Variants in MAP4K3 observed in about 807,000 individuals in gnomAD.
MAP4K3 encodes the protein MAPK/ERK kinase kinase kinase 3.
Under a neutral mutation model 143.5 loss-of-function variants are expected in MAP4K3, and 94 were observed. That is an observed-to-expected ratio of 0.65 (90% confidence interval 0.55 to 0.78). The LOEUF (loss-of-function observed/expected upper bound fraction) is 0.78. Among genes scored for constraint, MAP4K3 ranks in the 30% least tolerant of loss-of-function variants. The pLI is 0.00. For synonymous variants in MAP4K3, 416 were observed against 347.2 expected, an observed-to-expected ratio of 1.20 and a Z score of -2.20; for missense variants, 1,077 against 1,068.1, an observed-to-expected ratio of 1.01 and a Z score of -0.12.
chr2:39,326,004 C>T (rs1251076653), intron 9 of MAP4K3, 43 bp from the exon 10 acceptor site: 2 of 1,518,514 alleles, frequency 1.3e-6, no homozygotes, highest in Non-Finnish European at 1.8e-6. Context: ...TAATATTTCA[C>T]ATTTTTATCT....
chr2:39,360,321 A>AT (rs1301657413), intron 2 of MAP4K3, among the ~76,000 whole-genome samples: 1 of 152,256 alleles, frequency 6.6e-6, no homozygotes, highest in Non-Finnish European at 1.5e-5. Context: ...TTTATTGTCC[A>AT]TATCACTATC....
chr2:39,336,847 T>C (rs145172663), intron 6 of MAP4K3, 73 bp downstream of exon 6: 8,026 of 618,828 alleles, frequency 0.013, 82 homozygotes, highest in Middle Eastern at 0.029. Context: ...ATAAAACAAT[T>C]TTGCTCAAAA....
At chr2:39,398,713 AAATAAT>A (rs60507971) in intron 1 of MAP4K3, among the ~76,000 whole-genome samples, 11 of 140,434 alleles carry the variant, frequency 7.8e-5, no homozygotes, top group African/African-American at 1.4e-4. Context: ...GGAATAATTA[AAATAAT>A]AATAATAATA....
intron 29 of MAP4K3, 76 bp from the exon 30 acceptor site, chr2:39,258,663 T>C (rs1356250825): frequency 9.8e-7 from 1 of 1,025,140 alleles, no homozygotes; most frequent in Non-Finnish European, 1.5e-6. Flanking sequence ...AGAAAAAGAA[T>C]TCTGAGGATA....
intron 12 of MAP4K3, chr2:39,315,623 C>G (rs962238020): frequency 2.9e-5 from 13 of 452,046 alleles, no homozygotes; most frequent in Non-Finnish European, 4.4e-5. Flanking sequence ...AGAAAGGGCA[C>G]TTCTTTGGCT....
intron 1 of MAP4K3, among the ~76,000 whole-genome samples, chr2:39,419,138 T>C (rs1442177956): frequency 1.3e-5 from 2 of 152,146 alleles, no homozygotes; most frequent in Admixed American, 1.3e-4. Context: ...ATGTTTTAAA[T>C]AGTATGAACT....
At chr2:39,303,478 G>C (rs563865383) in intron 15 of MAP4K3, among the ~76,000 whole-genome samples, 1 of 152,050 alleles carries the variant, frequency 6.6e-6, no homozygotes, top group Non-Finnish European at 1.5e-5. Flanking sequence ...TACTTCTTCA[G>C]AGCAATGATT....
intron 15 of MAP4K3, among the ~76,000 whole-genome samples, chr2:39,305,210 C>G (rs879352410): frequency 6.6e-6 from 1 of 151,926 alleles, no homozygotes; most frequent in African/African-American, 2.4e-5. Context: ...CAGTAAATTT[C>G]GTAATGTATA....
At chr2:39,297,328 G>T (rs560166426) in intron 16 of MAP4K3, among the ~76,000 whole-genome samples, 12 of 152,072 alleles carry the variant, frequency 7.9e-5, no homozygotes, top group Non-Finnish European at 1.6e-4. Flanking sequence ...ATGTTGGCCA[G>T]GCTGGTCTCG....
At position 39,253,490 on chromosome 2, in the gene MAP4K3, C is replaced by T. The variant is rs558962403; in HGVS notation, c.2541+960G>A. 1.6e-4 allele frequency among the ~76,000 whole-genome samples: 25 copies of T among 152,230 alleles called. No homozygotes were observed. The East Asian group carries it at 4.6e-3, about 28-fold the overall frequency. ...GGAACCAGGCCAAGCACATTACACGCTTTGTTTCATTTAATCATAACAACT... is the reference window on the plus strand; with the variant it reads ...GGAACCAGGCCAAGCACATTACACGTTTTGTTTCATTTAATCATAACAACT... On this transcript the variant is annotated intron_variant, in intron 32 of 33. Transcript: ENST00000263881.
Position 39,332,008 on chromosome 2 carries a change from A to C in MAP4K3, c.458-19T>G. On this transcript the variant is annotated intron_variant, in intron 7 of 33. Transcript: ENST00000263881. ...AAATCAGCTATTAAAAAAAATGAGA[A>C]ACATTTAGGAAACTGAGAGAAAATA... is the stretch of plus-strand genomic sequence containing the variant. The C allele has an allele frequency of 7.2e-7, 1 of 1,390,024 alleles. No individual in the cohort carries two copies. The allele number at this position is 1,390,024 out of a possible 1,614,324, so 86.1% of individuals were successfully genotyped here. A position where few individuals can be genotyped will look rare whatever the true frequency, so the allele number is the denominator to read the frequency against.
intron 26 of MAP4K3, 92 bp from the exon 27 acceptor site, chr2:39,267,339 T>A: frequency 1.1e-6 from 1 of 938,076 alleles, no homozygotes; most frequent in Non-Finnish European, 1.7e-6. Context: ...AAAGGATGAG[T>A]TCAAAACTGG....
intron 1 of MAP4K3, among the ~76,000 whole-genome samples, chr2:39,390,402 A>G (rs1666620697): frequency 6.6e-6 from 1 of 151,768 alleles, no homozygotes; most frequent in African/African-American, 2.4e-5. Flanking sequence ...TAAATCACAG[A>G]GTCTTGGCTT....
chr2:39,426,176 A>C (rs956895110), intron 1 of MAP4K3, among the ~76,000 whole-genome samples: 1 of 152,154 alleles, frequency 6.6e-6, no homozygotes, highest in African/African-American at 2.4e-5. Context: ...ATCACTATAA[A>C]TTTCCGTCAA....
At chr2:39,272,668 T>A (rs1043081959) in intron 24 of MAP4K3, 126 bp from the exon 25 acceptor site, 4 of 674,052 alleles carry the variant, frequency 5.9e-6, no homozygotes, top group Non-Finnish European at 1.0e-5. Context: ...ATTTTTAACA[T>A]AAATTAACTT....
chr2:39,373,465 T>A (rs1285366164), intron 2 of MAP4K3, among the ~76,000 whole-genome samples: 1 of 152,102 alleles, frequency 6.6e-6, no homozygotes, highest in Non-Finnish European at 1.5e-5. Flanking sequence ...GAAATGAGTA[T>A]ATCAAAGAGA....
intron 1 of MAP4K3, among the ~76,000 whole-genome samples, chr2:39,381,617 T>C: frequency 6.6e-6 from 1 of 152,214 alleles, no homozygotes; most frequent in East Asian, 1.9e-4. Flanking sequence ...TTTTATAGTT[T>C]TCTTAAATTT....
intron 1 of MAP4K3, among the ~76,000 whole-genome samples, chr2:39,390,787 A>T (rs1482291892): frequency 6.7e-6 from 1 of 148,246 alleles, no homozygotes; most frequent in Non-Finnish European, 1.5e-5. Context: ...AAAAAAAAAT[A>T]CTGGAAATGA....
chr2:39,365,583 T>C (rs1381186308), intron 2 of MAP4K3, among the ~76,000 whole-genome samples: 8 of 151,220 alleles, frequency 5.3e-5, no homozygotes, highest in Non-Finnish European at 1.0e-4. Context: ...TAGCTGGGAC[T>C]ACAGGCGCCC....
Sources: allele counts gnomAD v4.1 joint callset (sites outside exome capture counted in the v4.1 genomes callset), GRCh38; gene constraint gnomAD v4.1.1; transcripts MANE v1.5; gene names NCBI Gene and HGNC (gene_info 2026-07-23, HGNC 2026-07-21).